The following TRPM3 variants were observed in gnomAD, a reference collection of about 807,000 sequenced individuals.
TRPM3 encodes long transient receptor potential channel 3.
Under a neutral mutation model 181.2 loss-of-function variants are expected in TRPM3, and 77 were observed. The observed-to-expected ratio is 0.42, with a 90% CI of 0.35 to 0.51. The LOEUF is 0.51. Ranked by LOEUF, TRPM3 falls within the 20% of genes least tolerant of loss-of-function variation. The probability of loss-of-function intolerance (pLI) is 0.01; values close to 1 mark genes in which losing one functional copy is unlikely to be tolerated. For synonymous variants in TRPM3, 745 were observed against 796.4 expected, an observed-to-expected ratio of 0.94 and a Z score of 1.09; for missense variants, 1,759 against 2,196.7, an observed-to-expected ratio of 0.80 and a Z score of 3.98.
At chr9:71,237,090 A>AAGGGAAAGGGGAT (rs149273913) in intron 1 of TRPM3, among the ~76,000 whole-genome samples, 1 of 141,658 alleles carries the variant, frequency 7.1e-6, no homozygotes, top group Non-Finnish European at 1.5e-5. Context: ...AGGAAAGGGA[A>AAGGGAAAGGGGAT]GGGGGATGGG....
intron 6 of TRPM3, among the ~76,000 whole-genome samples, chr9:70,818,350 A>C (rs1377213358): frequency 6.6e-6 from 1 of 152,202 alleles, no homozygotes; most frequent in African/African-American, 2.4e-5. Context: ...CTTTGCATTC[A>C]ATTTAGTAAC....
intron 1 of TRPM3, among the ~76,000 whole-genome samples, chr9:71,246,417 C>G (rs1159709821): frequency 6.6e-6 from 1 of 152,134 alleles, no homozygotes; most frequent in Non-Finnish European, 1.5e-5. Flanking sequence ...TACACAAACT[C>G]AATAAAATTA....
chr9:71,230,639 G>A (rs557926410), intron 1 of TRPM3, among the ~76,000 whole-genome samples: 77 of 152,242 alleles, frequency 5.1e-4, no homozygotes, highest in Admixed American at 1.1e-3. Flanking sequence ...AGTGCTTGTA[G>A]GCCAACTCTG....
chr9:71,442,135 A>C (rs2094144074), intron 1 of TRPM3, among the ~76,000 whole-genome samples: 1 of 152,212 alleles, frequency 6.6e-6, no homozygotes. Context: ...ACTTGGCAGC[A>C]CTGTGCTTTC....
chr9:70,959,921 T>C (rs2097120640), intron 1 of TRPM3, among the ~76,000 whole-genome samples: 1 of 152,198 alleles, frequency 6.6e-6, no homozygotes, highest in Non-Finnish European at 1.5e-5. Flanking sequence ...TGATCTCATC[T>C]TAATTGCTTT....
rs376876498 is a variant in TRPM3 at position 71,047,974 on chromosome 9, T to C, written c.177+73204A>G. On this transcript the variant is annotated intron_variant, in intron 1 of 25. Coordinates refer to ENST00000677713, the MANE Select transcript of TRPM3 (RefSeq NM_001366145.2). ...GTCTGACGTATTAGGTACTTCATAATTATTTGTTCAATAAACGAATGAATG... is the reference window on the plus strand; with the variant it reads ...GTCTGACGTATTAGGTACTTCATAACTATTTGTTCAATAAACGAATGAATG... Among the ~76,000 whole-genome samples the C allele has an allele frequency of 3.9e-5, 6 of 152,172 alleles. No homozygotes were observed. The East Asian group carries it at 7.7e-4, about 20-fold the overall frequency.
Position 71,189,982 on chromosome 9 carries a change from C to T in TRPM3, c.183+256671G>A, listed in dbSNP as rs773747032. Among the ~76,000 whole-genome samples the T allele has an allele frequency of 2.6e-5, 4 of 151,876 alleles. No homozygotes were observed. In the East Asian group the frequency reaches 5.8e-4, roughly 22 times the overall value. ...CAGCCTATAGCAAGTAGAGAAAAATCTGCCACATCAACAGAGGATTTGTTC... is the reference window on the plus strand; with the variant it reads ...CAGCCTATAGCAAGTAGAGAAAAATTTGCCACATCAACAGAGGATTTGTTC... On this transcript the variant is annotated intron_variant, in intron 1 of 24. Transcript: ENST00000357533.
At chr9:71,006,427 A>G (rs1296817350) in intron 1 of TRPM3, among the ~76,000 whole-genome samples, 4 of 152,174 alleles carry the variant, frequency 2.6e-5, no homozygotes, top group Admixed American at 6.5e-5. Flanking sequence ...AACAAGACCC[A>G]ACTATATGTT....
At chr9:71,075,290 A>G (rs1410842739) in intron 1 of TRPM3, among the ~76,000 whole-genome samples, 1 of 152,202 alleles carries the variant, frequency 6.6e-6, no homozygotes, top group Non-Finnish European at 1.5e-5. Context: ...GCCTTTCACC[A>G]ACAAGACTGC....
chr9:71,388,614 A>C (rs1171581134), intron 1 of TRPM3, among the ~76,000 whole-genome samples: 1 of 152,168 alleles, frequency 6.6e-6, no homozygotes, highest in Non-Finnish European at 1.5e-5. Flanking sequence ...CCTTGAGAAT[A>C]GTTGACAGAG....
intron 22 of TRPM3, among the ~76,000 whole-genome samples, chr9:70,589,301 T>C (rs920721444): frequency 1.3e-5 from 2 of 152,208 alleles, no homozygotes; most frequent in Non-Finnish European, 2.9e-5. Flanking sequence ...GGGTTCATAG[T>C]ACAACATCAA....
intron 22 of TRPM3, among the ~76,000 whole-genome samples, chr9:70,561,008 G>C (rs1488194342): frequency 6.6e-6 from 1 of 152,160 alleles, no homozygotes; most frequent in Non-Finnish European, 1.5e-5. Context: ...GATATAATCA[G>C]AGTCATCCTT....
chr9:70,921,110 C>T (rs928240583), intron 1 of TRPM3, among the ~76,000 whole-genome samples: 4 of 152,180 alleles, frequency 2.6e-5, no homozygotes, highest in Admixed American at 6.5e-5. Flanking sequence ...CTCATGCTCA[C>T]GTCCTCTTCA....
Position 71,328,256 on chromosome 9 carries a change from C to T in TRPM3, c.183+118397G>A, listed in dbSNP as rs576151098. Among the ~76,000 whole-genome samples, 5 of 152,164 alleles carry T rather than the reference C, an allele frequency of 3.3e-5. No individual in the cohort carries two copies. The East Asian group carries it at 5.8e-4, about 18-fold the overall frequency. On this transcript the variant is annotated intron_variant, in intron 1 of 24. Coordinates refer to the TRPM3 transcript ENST00000357533. The stretch of plus-strand genomic sequence containing the variant: ...TCAGCTCACTGCAAGCTCCGCCTCC[C>T]GGGTTCACGCCATTCTCCTGCCTCA...
At chr9:70,985,402 C>A (rs1010426705) in intron 1 of TRPM3, among the ~76,000 whole-genome samples, 4 of 152,100 alleles carry the variant, frequency 2.6e-5, no homozygotes, top group African/African-American at 9.7e-5. Flanking sequence ...AAGAGGCCAA[C>A]AAAATTCTAG....
rs147550171 is a variant in TRPM3 at position 71,338,014 on chromosome 9, T to C, written c.183+108639A>G. ...GGTTGATGGGTGCAGCAAACCACCA[T>C]GGCACATGTATACCTACGTAACAAA... On this transcript the variant is annotated intron_variant, in intron 1 of 24. Transcript: ENST00000357533. Among the ~76,000 whole-genome samples, 875 of 151,790 alleles carry C rather than the reference T, an allele frequency of 5.8e-3. 14 individuals carry two copies. Among genetic ancestry groups the C allele is most frequent in the African/African-American group, 0.02 (837 of 41,334 alleles).
At chr9:71,236,006 G>T (rs141344357) in intron 1 of TRPM3, among the ~76,000 whole-genome samples, 3 of 152,360 alleles carry the variant, frequency 2.0e-5, no homozygotes, top group Non-Finnish European at 4.4e-5. Flanking sequence ...TTGTGGGCCT[G>T]TAGAATAATT....
chr9:70,772,582 C>T (rs1005254422), intron 7 of TRPM3, among the ~76,000 whole-genome samples: 7 of 152,132 alleles, frequency 4.6e-5, no homozygotes, highest in African/African-American at 1.2e-4. Context: ...CTCGGCATCC[C>T]GATGTGCTAG....
At chr9:70,958,818 T>C (rs1336005674) in intron 1 of TRPM3, among the ~76,000 whole-genome samples, 6 of 151,610 alleles carry the variant, frequency 4.0e-5, no homozygotes, top group Admixed American at 1.3e-4. Context: ...CATGGAATAC[T>C]ATGTAGCCAT....
Sources: allele counts gnomAD v4.1 joint callset (sites outside exome capture counted in the v4.1 genomes callset), GRCh38; gene constraint gnomAD v4.1.1; transcripts MANE v1.5; gene names NCBI Gene and HGNC (gene_info 2026-07-23, HGNC 2026-07-21).